The following CUX2 variants were observed in gnomAD, a reference collection of about 807,000 sequenced individuals.
CUX2 encodes cut like homeobox 2.
Under a neutral mutation model 144.8 loss-of-function variants are expected in CUX2, and 40 were observed. The observed-to-expected ratio is 0.28, with a 90% CI of 0.21 to 0.36. The LOEUF is 0.36. Ranked by LOEUF, CUX2 falls within the 10% of genes least tolerant of loss-of-function variation. The pLI is 1.00. For synonymous variants in CUX2, 827 were observed against 875.6 expected (o/e 0.94, Z 0.98); for missense variants, 1,615 against 1,994.0 (o/e 0.81, Z 3.62).
rs1192902320 is a variant in CUX2, at chr12:111,322,917, C to A, written c.2926+337C>A. On this transcript the variant is annotated intron_variant, in intron 18 of 21. Transcript: ENST00000261726. The surrounding 1 kb of genome is among the most constrained non-coding windows in gnomAD (Gnocchi z 4.2). ...GAGTCCCACATCTGGAATTGCTCATCGATCTCAGCTCTGTTTCCTGAAGAC... is the reference window on the plus strand; with the variant it reads ...GAGTCCCACATCTGGAATTGCTCATAGATCTCAGCTCTGTTTCCTGAAGAC... Among the ~76,000 whole-genome samples, 1 of 152,226 alleles carries A rather than the reference C, an allele frequency of 6.6e-6. No homozygotes were observed. Among genetic ancestry groups the A allele is most frequent in the Non-Finnish European group, 1.5e-5 (1 of 68,048 alleles).
intron 3 of CUX2, among the ~76,000 whole-genome samples, chr12:111,222,691 C>T (rs772298508): frequency 1.3e-5 from 2 of 152,152 alleles, no homozygotes; most frequent in Non-Finnish European, 2.9e-5. Flanking sequence ...ATAGGGTCAG[C>T]TCATAGGATT....
intron 1 of CUX2, among the ~76,000 whole-genome samples, chr12:111,157,853 T>C (rs1877498078): frequency 6.6e-6 from 1 of 152,106 alleles, no homozygotes; most frequent in Admixed American, 6.5e-5. Context: ...TTCCAGGAGA[T>C]GTATTTGAAG....
intron 1 of CUX2, among the ~76,000 whole-genome samples, chr12:111,095,419 A>G (rs1189561712): frequency 6.6e-6 from 1 of 152,018 alleles, no homozygotes; most frequent in Admixed American, 6.6e-5. Flanking sequence ...TGATTGTACC[A>G]CTGCACTCCA....
At chr12:111,193,829 G>A (rs913314461) in intron 1 of CUX2, among the ~76,000 whole-genome samples, 8 of 152,236 alleles carry the variant, frequency 5.3e-5, no homozygotes, top group Non-Finnish European at 7.3e-5. Context: ...GCGCAGACAG[G>A]TGCCCCTCTG....
chr12:111,185,253 C>T (rs966577361), intron 1 of CUX2, among the ~76,000 whole-genome samples: 2 of 152,182 alleles, frequency 1.3e-5, no homozygotes, highest in Non-Finnish European at 2.9e-5. Context: ...CCATTTTTAT[C>T]CTATGCATAT....
At chr12:111,134,608 C>CTGTGTGTGTGTGTGTG (rs1385633104) in intron 1 of CUX2, among the ~76,000 whole-genome samples, 14 of 138,010 alleles carry the variant, frequency 1.0e-4, no homozygotes, top group African/African-American at 3.5e-4. Flanking sequence ...CTCTCTCTCT[C>CTGTGTGTGTGTGTGTG]TCTCTCTCTC....
intron 3 of CUX2, among the ~76,000 whole-genome samples, chr12:111,229,215 G>A (rs1325284300): frequency 2.0e-5 from 3 of 152,132 alleles, no homozygotes; most frequent in African/African-American, 7.2e-5. Flanking sequence ...ACCCAGAAAG[G>A]CCCCCACTCT....
intron 9 of CUX2, among the ~76,000 whole-genome samples, chr12:111,302,290 A>G (rs1214280040): frequency 2.6e-5 from 4 of 152,142 alleles, no homozygotes; most frequent in Non-Finnish European, 5.9e-5. Flanking sequence ...GGCTCAAGTA[A>G]TATACCCTCA....
chr12:111,263,669 A>G lies in CUX2; in HGVS notation c.223-92A>G. 1 of 984,904 alleles carries G rather than the reference A, an allele frequency of 1.0e-6. No homozygotes were observed. The highest frequency in any genetic ancestry group is 1.4e-5 in the South Asian group (1 of 73,826). The allele number at this position is 984,904 out of a possible 1,614,324, so 61.0% of individuals were successfully genotyped here. A position where few individuals can be genotyped will look rare whatever the true frequency, so the allele number is the denominator to read the frequency against. On this transcript the variant is annotated intron_variant, in intron 3 of 21. Transcript: ENST00000261726. The surrounding 1 kb of genome is among the most constrained non-coding windows in gnomAD (Gnocchi z 4.0). Reference sequence around the variant, plus strand: ...ACAAAACAAAACAAAAAACCTGCAGATGTTTTCTTGTGGAAAAAAAAAATG... The same window carrying G: ...ACAAAACAAAACAAAAAACCTGCAGGTGTTTTCTTGTGGAAAAAAAAAATG...
At chr12:111,126,297 C>T (rs1156759984) in intron 1 of CUX2, among the ~76,000 whole-genome samples, 1 of 151,958 alleles carries the variant, frequency 6.6e-6, no homozygotes, top group Non-Finnish European at 1.5e-5. Flanking sequence ...TCAGTAGAGA[C>T]GGGGTTTCAC....
chr12:111,138,081 A>G (rs1377271116), intron 1 of CUX2, among the ~76,000 whole-genome samples: 1 of 151,626 alleles, frequency 6.6e-6, no homozygotes, highest in Non-Finnish European at 1.5e-5. Context: ...AGGAACCCCT[A>G]CTCCCATCCC....
intron 1 of CUX2, among the ~76,000 whole-genome samples, chr12:111,110,603 CAT>C (rs1414501822): frequency 1.3e-5 from 2 of 152,200 alleles, no homozygotes; most frequent in Non-Finnish European, 2.9e-5. Context: ...TATCTTTCAG[CAT>C]AGTTAATCAG....
chr12:111,204,737 A>T (rs192629927), intron 1 of CUX2, among the ~76,000 whole-genome samples: 27 of 152,284 alleles, frequency 1.8e-4, no homozygotes, highest in Admixed American at 1.6e-3. Flanking sequence ...TCTAGATGCC[A>T]CTGGGAGAGG....
At chr12:111,062,192 T>G (rs1870810382) in intron 1 of CUX2, among the ~76,000 whole-genome samples, 1 of 152,174 alleles carries the variant, frequency 6.6e-6, no homozygotes, top group African/African-American at 2.4e-5. Context: ...TGTAGGTACT[T>G]TTCTGCCTGT....
Position 111,304,287 on chromosome 12 carries a change from T to C in CUX2, c.831T>C (p.Ala277=), listed in dbSNP as rs772792451. Residue 277 remains alanine (A), a synonymous_variant, in exon 10 of 22, where the codon GCT becomes GCC. Transcript: ENST00000261726. This position sits in a 1 kb window ranked among gnomAD's most constrained non-coding sequence, Gnocchi z 4.7. ...LASVNSSIRL[A]CCSPQGPSGD... is the part of the protein sequence containing the mutation. Reference sequence around the variant, plus strand: ...CTGTCAACAGCTCCATCCGCCTGGCTTGCTGCTCTCCCCAGGGGCCCAGTG... The same window carrying C: ...CTGTCAACAGCTCCATCCGCCTGGCCTGCTGCTCTCCCCAGGGGCCCAGTG... 3 of 1,613,738 alleles carry C rather than the reference T, an allele frequency of 1.9e-6. No individual in the cohort carries two copies. The African/African-American group carries it at 4.0e-5, about 22-fold the overall frequency.
intron 4 of CUX2, among the ~76,000 whole-genome samples, chr12:111,281,378 A>C (rs2136315285): frequency 6.6e-6 from 1 of 151,700 alleles, no homozygotes; most frequent in South Asian, 2.1e-4. Flanking sequence ...CAGCACCCCT[A>C]GTTCCATGTC....
intron 18 of CUX2, among the ~76,000 whole-genome samples, chr12:111,331,843 G>A (rs896893738): frequency 2.0e-5 from 3 of 152,008 alleles, no homozygotes; most frequent in African/African-American, 7.2e-5. Context: ...CTTTGGGGGC[G>A]CCGAGGAGGG....
intron 1 of CUX2, among the ~76,000 whole-genome samples, chr12:111,174,961 T>C (rs1878757817): frequency 1.3e-5 from 2 of 152,256 alleles, no homozygotes; most frequent in South Asian, 4.2e-4. Context: ...TTCCAGAAAA[T>C]TCTGCTACAG....
intron 1 of CUX2, among the ~76,000 whole-genome samples, chr12:111,113,895 C>A (rs1874132918): frequency 6.6e-6 from 1 of 152,192 alleles, no homozygotes; most frequent in Non-Finnish European, 1.5e-5. Context: ...TGGGATTCAT[C>A]CACATTGTTG....
Sources: allele counts gnomAD v4.1 joint callset (sites outside exome capture counted in the v4.1 genomes callset), GRCh38; gene constraint gnomAD v4.1.1; non-coding constraint Gnocchi (gnomAD v3.1); transcripts MANE v1.5; gene names NCBI Gene and HGNC (gene_info 2026-07-23, HGNC 2026-07-21).